Variants in MAPK14 observed in about 807,000 individuals in gnomAD.
The protein encoded by MAPK14 is CSAID-binding protein.
In MAPK14, 16 loss-of-function variants were observed where a neutral mutation model predicts 49.6. That is an observed-to-expected ratio of 0.32 (90% CI 0.22 to 0.49). The LOEUF (loss-of-function observed/expected upper bound fraction) is 0.49, where lower values mean the gene tolerates loss of function less well. Among genes scored for constraint, MAPK14 ranks in the 20% least tolerant of loss-of-function variants. MAPK14 has a pLI of 0.99. For missense variants in MAPK14, 200 were observed against 441.2 expected, an observed-to-expected ratio of 0.45 and a Z score of 4.90; for synonymous variants, 142 against 158.0, an observed-to-expected ratio of 0.90 and a Z score of 0.76.
At chr6:36,115,545 G>A (rs551204960), downstream of MAPK14, among the ~76,000 whole-genome samples, 5 of 152,284 alleles carry the variant, frequency 3.3e-5, no homozygotes, top group South Asian at 8.3e-4. Flanking sequence ...GGCACTTTGG[G>A]AGGCTGAGGC....
downstream of MAPK14, among the ~76,000 whole-genome samples, chr6:36,114,310 TTG>T (rs1432940631): frequency 3.3e-5 from 5 of 152,038 alleles, no homozygotes; most frequent in Non-Finnish European, 7.4e-5. Context: ...CACTGGCCTG[TTG>T]TAACTTAAAG....
At chr6:36,084,220 G>T (rs1468248365) in intron 8 of MAPK14, among the ~76,000 whole-genome samples, 1 of 152,144 alleles carries the variant, frequency 6.6e-6, no homozygotes, top group Admixed American at 6.5e-5. Flanking sequence ...TCAAAGCTAG[G>T]TAAAGTCATG....
intron 9 of MAPK14, among the ~76,000 whole-genome samples, chr6:36,100,587 A>AG (rs1765600973): frequency 1.3e-5 from 2 of 152,160 alleles, no homozygotes; most frequent in Non-Finnish European, 2.9e-5. Flanking sequence ...CTTTATCAGA[A>AG]GGGTAGTTAA....
chr6:36,089,963 C>T (rs1048465624), intron 8 of MAPK14, among the ~76,000 whole-genome samples: 4 of 152,276 alleles, frequency 2.6e-5, no homozygotes, highest in African/African-American at 7.2e-5. Flanking sequence ...CTGTTGTTTT[C>T]CTTTTCTCCA....
At chr6:36,087,405 T>G (rs780710017) in intron 8 of MAPK14, among the ~76,000 whole-genome samples, 5 of 152,196 alleles carry the variant, frequency 3.3e-5, no homozygotes, top group Non-Finnish European at 5.9e-5. Context: ...CCCAAAAGCT[T>G]CTTAAGCTGA....
chr6:36,108,537 G>C lies in MAPK14; in HGVS notation c.*90G>C. On this transcript the variant is annotated 3_prime_UTR_variant, in exon 12 of 12. Coordinates refer to ENST00000229794, the MANE Select transcript of MAPK14 (RefSeq NM_139012.3). ...TCCAAATATTATTCAAGTGCCTCTT[G>C]TTGCAGAGATTTCCTCCATGGTGGA... 1 of 1,065,178 alleles carries C rather than the reference G, an allele frequency of 9.4e-7. No homozygotes were observed. The highest frequency in any genetic ancestry group is 1.5e-6 in the Non-Finnish European group (1 of 684,212). 66.0% of individuals were successfully genotyped at this position (1,065,178 alleles called of 1,614,324 possible). A position where few individuals can be genotyped will look rare whatever the true frequency, so the allele number is the denominator to read the frequency against.
chr6:36,066,950 G>A (rs1764084954), intron 3 of MAPK14, among the ~76,000 whole-genome samples: 1 of 152,090 alleles, frequency 6.6e-6, no homozygotes, highest in South Asian at 2.1e-4. Flanking sequence ...CTTGAAACTA[G>A]GCTAAGTGCT....
intron 2 of MAPK14, among the ~76,000 whole-genome samples, chr6:36,058,664 TGAAGTGG>T (rs1464108294): frequency 5.3e-5 from 8 of 152,082 alleles, no homozygotes; most frequent in Non-Finnish European, 1.2e-4. Flanking sequence ...TTTGGGATGC[TGAAGTGG>T]GAGGATCGCT....
Position 36,107,707 on chromosome 6 carries a change from C to T in MAPK14, c.1015+79C>T. The T allele has an allele frequency of 6.5e-6, 7 of 1,073,538 alleles. No individual in the cohort carries two copies. The highest frequency in any genetic ancestry group is 9.1e-6 in the Non-Finnish European group (7 of 773,318). 66.5% of individuals were successfully genotyped at this position (1,073,538 alleles called of 1,614,324 possible). On this transcript the variant is annotated intron_variant, in intron 11 of 11. Transcript: ENST00000229794. The surrounding 1 kb of genome is among the most constrained non-coding windows in gnomAD (Gnocchi z 4.3). ...AAAAATAAAAACTGAATGGTCATAA[C>T]CAACTTGCTAAAGCTTGTAGATGAG...
intron 8 of MAPK14, among the ~76,000 whole-genome samples, chr6:36,093,781 T>C (rs967380804): frequency 7.3e-5 from 11 of 150,990 alleles, no homozygotes; most frequent in Non-Finnish European, 1.3e-4. Context: ...GAAAGAAGTC[T>C]CTTAAACAAG....
At chr6:36,121,066 C>G in the MAPK14 span, among the ~76,000 whole-genome samples, 2 of 152,036 alleles carry the variant, frequency 1.3e-5, no homozygotes, top group Non-Finnish European at 2.9e-5. Flanking sequence ...GCCCCACCCC[C>G]CCTCCTTGGC....
rs564723509 is a variant in MAPK14 at position 36,095,279 on chromosome 6, G to C, written c.683-708G>C. On this transcript the variant is annotated intron_variant, in intron 8 of 11. Transcript: ENST00000229794. Reference sequence around the variant, plus strand: ...GAAGTTTGTTAAGCATTGTTCATTTGCATTTTATAAGGTTGAAACCGCCTG... The same window carrying C: ...GAAGTTTGTTAAGCATTGTTCATTTCCATTTTATAAGGTTGAAACCGCCTG... Among the ~76,000 whole-genome samples, 3 of 152,290 alleles carry C rather than the reference G, an allele frequency of 2.0e-5. No individual in the cohort carries two copies. The East Asian group carries it at 5.8e-4, about 29-fold the overall frequency.
chr6:36,043,002 T>C (rs1763025134), intron 1 of MAPK14, among the ~76,000 whole-genome samples: 1 of 151,816 alleles, frequency 6.6e-6, no homozygotes, highest in African/African-American at 2.4e-5. Flanking sequence ...TGTGCCTCAG[T>C]AGTAGCAGCT....
intron 1 of MAPK14, among the ~76,000 whole-genome samples, chr6:36,032,606 A>G (rs75047807): frequency 0.062 from 9,395 of 152,212 alleles, 719 homozygotes; most frequent in African/African-American, 0.18. Flanking sequence ...ACAGTTGAGA[A>G]TTACTCTTAG....
chr6:36,042,048 T>G (rs1215260594), intron 1 of MAPK14, among the ~76,000 whole-genome samples: 1 of 95,732 alleles, frequency 1.0e-5, no homozygotes, highest in Non-Finnish European at 2.7e-5. Context: ...AGAGAAAACA[T>G]AAACCAAGAG....
downstream of MAPK14, among the ~76,000 whole-genome samples, chr6:36,113,740 TTTTC>T (rs752554932): frequency 1.3e-5 from 2 of 152,234 alleles, no homozygotes; most frequent in South Asian, 2.1e-4. Flanking sequence ...AGAAGAAACC[TTTTC>T]TTTCTTTGTT....
intron 1 of MAPK14, among the ~76,000 whole-genome samples, chr6:36,042,394 GT>G (rs1400787534): frequency 1.3e-5 from 2 of 150,406 alleles, no homozygotes; most frequent in Non-Finnish European, 3.0e-5. Context: ...GTGTGCCTCT[GT>G]TCATTTTGAC....
At chr6:36,096,395 C>G (rs913614419) in intron 9 of MAPK14, 2 of 219,776 alleles carry the variant, frequency 9.1e-6, no homozygotes, top group African/African-American at 4.5e-5. Context: ...TCTCTGTCCT[C>G]AAGACCTGAC....
chr6:36,036,357 T>A (rs1762752183), intron 1 of MAPK14, among the ~76,000 whole-genome samples: 1 of 152,128 alleles, frequency 6.6e-6, no homozygotes, highest in Non-Finnish European at 1.5e-5. Flanking sequence ...AAGATGCTTA[T>A]GAACATTGTT....
Sources: gnomAD v4.1 joint callset for allele counts (sites outside exome capture counted in the v4.1 genomes callset) on GRCh38, gnomAD v4.1.1 for gene constraint, Gnocchi (gnomAD v3.1) non-coding constraint, MANE v1.5 for transcripts, NCBI Gene and HGNC (gene_info 2026-07-23, HGNC 2026-07-21) for gene names.